PLEKHA1: variants seen among roughly 807,000 people sequenced by gnomAD.
The protein encoded by PLEKHA1 is pleckstrin homology domain containing A1.
A neutral mutation model predicts 52.0 loss-of-function variants in PLEKHA1; 34 were observed. That is an observed-to-expected ratio of 0.65 (90% CI 0.50 to 0.87). PLEKHA1 has a LOEUF of 0.87. Ranked by LOEUF, PLEKHA1 falls within the 40% of genes least tolerant of loss-of-function variation. The probability of loss-of-function intolerance (pLI) is 0.00; values close to 1 mark genes in which losing one functional copy is unlikely to be tolerated. For synonymous variants in PLEKHA1, 163 were observed against 170.7 expected (o/e 0.95, Z 0.35); for missense variants, 497 against 504.2 (o/e 0.99, Z 0.14).
intron 3 of PLEKHA1, 99 bp downstream of exon 3, chr10:122,398,073 T>C: frequency 1.1e-6 from 1 of 922,514 alleles, no homozygotes; most frequent in African/African-American, 1.6e-5. Context: ...CCTTTAACAG[T>C]GATGTTCAGA....
At chr10:122,388,622 G>A (rs1455831882) in intron 1 of PLEKHA1, among the ~76,000 whole-genome samples, 1 of 152,132 alleles carries the variant, frequency 6.6e-6, no homozygotes, top group Non-Finnish European at 1.5e-5. Context: ...ACACTATACT[G>A]TAACCTATTA....
chr10:122,413,149 A>T, intron 6 of PLEKHA1, 104 bp downstream of exon 6: 1 of 954,258 alleles, frequency 1.0e-6, no homozygotes, highest in Non-Finnish European at 1.4e-6. Context: ...GGTATAATAT[A>T]CAATTACTAT....
rs558668438 is a variant in PLEKHA1 at position 122,386,690 on chromosome 10, A to G, written c.-20-6491A>G. 5.3e-5 allele frequency: 8 copies of G among 152,322 alleles called. No homozygotes were observed. The East Asian group carries it at 1.5e-3, about 29-fold the overall frequency. 9.4% of individuals were successfully genotyped at this position (152,322 alleles called of 1,614,324 possible). A position where few individuals can be genotyped will look rare whatever the true frequency, so the allele number is the denominator to read the frequency against. On this transcript the variant is annotated intron_variant, in intron 1 of 11. Transcript: ENST00000368990. The stretch of plus-strand genomic sequence containing the variant: ...ATTATTCCAGTCTTGTTTGTTGAAA[A>G]GACTGTCCTTTCTCTACAAAATTGC...
chr10:122,391,320 C>G (rs1443851843), intron 1 of PLEKHA1, among the ~76,000 whole-genome samples: 1 of 152,072 alleles, frequency 6.6e-6, no homozygotes, highest in Non-Finnish European at 1.5e-5. Flanking sequence ...GTTGCTCATG[C>G]TTTTGGTATT....
At chr10:122,412,689 G>T in intron 5 of PLEKHA1, 1 of 479,628 alleles carries the variant, frequency 2.1e-6, no homozygotes, top group Non-Finnish European at 3.7e-6. Flanking sequence ...AGAAAAATGT[G>T]TGAACTAGTA....
chr10:122,392,652 A>G (rs899783720), intron 1 of PLEKHA1, among the ~76,000 whole-genome samples: 1 of 152,152 alleles, frequency 6.6e-6, no homozygotes, highest in African/African-American at 2.4e-5. Flanking sequence ...TTGGAAAATC[A>G]CTTCCCCTGT....
At chr10:122,385,229 TATAA>T (rs1279711674) in intron 1 of PLEKHA1, among the ~76,000 whole-genome samples, 1 of 151,814 alleles carries the variant, frequency 6.6e-6, no homozygotes, top group African/African-American at 2.4e-5. Context: ...TAATTATTTC[TATAA>T]ATAAATAACA....
At chr10:122,381,396 G>A (rs1345320682) in intron 1 of PLEKHA1, among the ~76,000 whole-genome samples, 4 of 152,200 alleles carry the variant, frequency 2.6e-5, no homozygotes, top group Non-Finnish European at 4.4e-5. Flanking sequence ...TGGAGGAGGC[G>A]CCTGTTGGGA....
intron 5 of PLEKHA1, 105 bp downstream of exon 5, chr10:122,406,778 C>G (rs917776518): frequency 7.2e-6 from 6 of 835,368 alleles, no homozygotes; most frequent in Admixed American, 4.9e-5. Context: ...AGGTTTCATA[C>G]TCAAGCTTTG....
chr10:122,403,407 G>T (rs1480485570), intron 4 of PLEKHA1, among the ~76,000 whole-genome samples: 1 of 152,046 alleles, frequency 6.6e-6, no homozygotes, highest in African/African-American at 2.4e-5. Flanking sequence ...GTTGTGAGAT[G>T]ATTTTTGTTT....
chr10:122,412,701 C>A, intron 5 of PLEKHA1: 1 of 516,274 alleles, frequency 1.9e-6, no homozygotes, highest in South Asian at 2.9e-5. Flanking sequence ...GAACTAGTAC[C>A]TGCCCGAGTA....
chr10:122,387,189 C>G (rs1028554527), intron 1 of PLEKHA1: 1 of 151,850 alleles, frequency 6.6e-6, no homozygotes, highest in African/African-American at 2.4e-5. Context: ...TTATTATTCC[C>G]TTTCTATTTT....
chr10:122,440,978 T>A, the PLEKHA1 span: 1 of 152,168 alleles, frequency 6.6e-6, no homozygotes, highest in Admixed American at 6.5e-5. Context: ...CTCTTAAGTC[T>A]GCTGTGAGAG....
rs142848367 is a variant in PLEKHA1 at position 122,424,626 on chromosome 10, A to G, written c.747-270A>G. Among the ~76,000 whole-genome samples the G allele has an allele frequency of 5.2e-3, 787 of 152,322 alleles. 8 individuals carry two copies. Among genetic ancestry groups the G allele is most frequent in the African/African-American group, 0.018 (750 of 41,564 alleles). On this transcript the variant is annotated intron_variant, in intron 9 of 11. Coordinates refer to ENST00000368990, the MANE Select transcript of PLEKHA1 (RefSeq NM_001001974.4). ...AGATGCAGTAGAATAGAGCTTCACA[A>G]GAAAATGTGTTAGCTGTGACAGTGT...
rs2097400083 is a variant in PLEKHA1 at position 122,429,767 on chromosome 10, T to G, written c.1044T>G (p.Leu348=). The part of the protein sequence containing the change: ...TMEKRGFYES[L]AKVKPGNFKV... ...AGAAGCGAGGATTTTACGAGTCTCT[T>G]GCCAAGGTCAAGCCAGGGAACTTCA... Residue 348 remains leucine, a synonymous_variant, in exon 12 of 12, where the codon CTT becomes CTG. Coordinates refer to ENST00000368990, the MANE Select transcript of PLEKHA1 (RefSeq NM_001001974.4). The G allele has an allele frequency of 4.3e-6, 7 of 1,614,198 alleles. No individual in the cohort carries two copies. In the East Asian group the frequency reaches 1.6e-4, roughly 36 times the overall value.
chr10:122,407,160 A>G (rs973264328), intron 5 of PLEKHA1, among the ~76,000 whole-genome samples: 3 of 152,124 alleles, frequency 2.0e-5, no homozygotes, highest in Admixed American at 2.0e-4. Context: ...TAGTGTCTGA[A>G]GGGTTGCGGC....
Position 122,429,797 on chromosome 10 carries a change from C to A in PLEKHA1, c.1074C>A (p.Val358=). ...AGGTCAAGCCAGGGAACTTCAAGGT[C>A]CAGACTGTCTCTCCAAGAGAACCAG... is the stretch of plus-strand genomic sequence containing the variant. ...LAKVKPGNFK[V]QTVSPREPAS... Residue 358 remains valine, a synonymous_variant, in exon 12 of 12, where the codon GTC becomes GTA. Coordinates refer to ENST00000368990, the MANE Select transcript of PLEKHA1 (RefSeq NM_001001974.4). 1 of 1,614,174 alleles carries A rather than the reference C, an allele frequency of 6.2e-7. No homozygotes were observed. Among genetic ancestry groups the A allele is most frequent in the Non-Finnish European group, 8.5e-7 (1 of 1,180,032 alleles).
At chr10:122,434,584 ATTAT>A (rs1470294140), downstream of PLEKHA1, 2 of 151,568 alleles carry the variant, frequency 1.3e-5, no homozygotes, top group African/African-American at 2.4e-5. Context: ...TATTTTTTTT[ATTAT>A]TTAAGTTTTA....
At chr10:122,377,047 C>G (rs564329996) in intron 1 of PLEKHA1, among the ~76,000 whole-genome samples, 64 of 152,224 alleles carry the variant, frequency 4.2e-4, no homozygotes, top group African/African-American at 1.5e-3. Flanking sequence ...TGCTGCAAAT[C>G]CCGAAGTTAT....
Sources: gnomAD v4.1 joint callset for allele counts (sites outside exome capture counted in the v4.1 genomes callset) on GRCh38, gnomAD v4.1.1 for gene constraint, MANE v1.5 for transcripts, NCBI Gene and HGNC (gene_info 2026-07-23, HGNC 2026-07-21) for gene names.